The following TJAP1 variants were observed in gnomAD, a reference collection of about 807,000 sequenced individuals.
TJAP1 encodes the protein tight junction associated protein 1, also known as tight junction-associated protein 1.
A neutral mutation model predicts 42.0 loss-of-function variants in TJAP1; 27 were observed. That is an observed-to-expected ratio of 0.64 (90% CI 0.47 to 0.89). TJAP1 has a LOEUF of 0.89. Among genes scored for constraint, TJAP1 ranks in the 40% least tolerant of loss-of-function variants. The pLI is 0.00. For missense variants in TJAP1, 712 were observed against 726.9 expected (o/e 0.98, Z 0.24); for synonymous variants, 257 against 288.4 (o/e 0.89, Z 1.10).
At chr6:43,499,277 A>C in intron 4 of TJAP1, 177 bp downstream of exon 4, 1 of 870,322 alleles carries the variant, frequency 1.1e-6, no homozygotes, top group Non-Finnish European at 1.7e-6. Flanking sequence ...TGTAGGCTCA[A>C]GGGGGACTGT....
intron 2 of TJAP1, among the ~76,000 whole-genome samples, chr6:43,493,851 T>G (rs1461205219): frequency 6.6e-6 from 1 of 152,068 alleles, no homozygotes; most frequent in African/African-American, 2.4e-5. Context: ...TGGAAGCCCC[T>G]GATCAAATAT....
chr6:43,502,261 G>A (rs770863124), intron 6 of TJAP1, 22 bp from the exon 7 acceptor site: 14 of 1,613,350 alleles, frequency 8.7e-6, no homozygotes, highest in Admixed American at 1.7e-5. Flanking sequence ...CCAGGGATGT[G>A]CCTTGTATTA....
chr6:43,503,436 C>G (rs1052479667), exon 9 of TJAP1: 2 of 1,614,062 alleles, frequency 1.2e-6, no homozygotes, highest in African/African-American at 1.3e-5. Flanking sequence ...AGACGCTGGA[C>G]TGGGAGATTG....
chr6:43,503,097 T>C (rs1791345973), intron 8 of TJAP1: 3 of 478,632 alleles, frequency 6.3e-6, no homozygotes, highest in Admixed American at 7.1e-5. Flanking sequence ...GCCGTTGAGG[T>C]ACCAGCTGCC....
At chr6:43,481,585 GAAA>G (rs200593295) in intron 2 of TJAP1, among the ~76,000 whole-genome samples, 1 of 120,486 alleles carries the variant, frequency 8.3e-6, no homozygotes, top group African/African-American at 3.0e-5. Flanking sequence ...AAACTACACA[GAAA>G]AAAAAAAAAA....
intron 2 of TJAP1, among the ~76,000 whole-genome samples, chr6:43,479,168 A>G (rs1359165144): frequency 6.6e-6 from 1 of 152,238 alleles, no homozygotes; most frequent in African/African-American, 2.4e-5. Context: ...TGCCCTAGCC[A>G]GAGTTGGGAG....
chr6:43,489,372 G>T (rs1166825615), intron 2 of TJAP1, among the ~76,000 whole-genome samples: 1 of 152,232 alleles, frequency 6.6e-6, no homozygotes, highest in Non-Finnish European at 1.5e-5. Flanking sequence ...GCAGTGTGCA[G>T]CCCGTGCTGT....
Position 43,505,690 on chromosome 6 carries a change from C to T in TJAP1, c.1509C>T (p.Asn503=). ...AGCGCCAGAGCCTGCTGCCCATTAA[C>T]AGGGGCACAGAGGAGGGGCCAGGCA... is the stretch of plus-strand genomic sequence containing the variant. Residue 503 remains asparagine, a synonymous_variant, in exon 11 of 11, where the codon AAC becomes AAT. Transcript: ENST00000372449. This position sits in a 1 kb window ranked among gnomAD's most constrained non-coding sequence, Gnocchi z 5.5. 6.2e-7 allele frequency: 1 copy of T among 1,602,566 alleles called. No homozygotes were observed.
intron 2 of TJAP1, among the ~76,000 whole-genome samples, chr6:43,484,466 AT>A (rs902748057): frequency 1.6e-4 from 25 of 152,348 alleles, no homozygotes; most frequent in African/African-American, 6.0e-4. Context: ...TCTCAAAAAA[AT>A]ATATAAATAA....
Position 43,501,534 on chromosome 6 carries a change from A to G in TJAP1, c.137A>G (p.Gln46Arg), listed in dbSNP as rs754721586. 4 of 1,613,140 alleles carry G rather than the reference A, an allele frequency of 2.5e-6. No homozygotes were observed. In the African/African-American group the frequency reaches 5.3e-5, roughly 22 times the overall value. Residue 46 changes from glutamine to arginine, a missense_variant, in exon 6 of 11, where the codon CAG becomes CGG. Physicochemically the swap from Gln to Arg is conservative, Grantham distance 43 (BLOSUM62 1). This residue lies in a region of TJAP1 where 158 missense variants were observed against 182.1 expected (regional missense o/e 0.87). Transcript: ENST00000372449. ...CCACAACACCCTGCCAGGCTCTTAC[A>G]GGAGGAGAATGAAGAGCTTCGCCGG...
At chr6:43,499,317 C>T (rs184094231) in intron 4 of TJAP1, among the ~76,000 whole-genome samples, 76 of 152,348 alleles carry the variant, frequency 5.0e-4, no homozygotes, top group African/African-American at 1.8e-3. Context: ...TGTCAGGGAA[C>T]CCCTGAGTCT....
intron 5 of TJAP1, 98 bp downstream of exon 5, chr6:43,500,870 G>T: frequency 6.9e-7 from 1 of 1,458,894 alleles, no homozygotes; most frequent in Non-Finnish European, 9.6e-7. Context: ...CTTGGATTAG[G>T]TAGAAATAAA....
At chr6:43,480,214 T>G (rs1785018720) in intron 2 of TJAP1, among the ~76,000 whole-genome samples, 1 of 152,230 alleles carries the variant, frequency 6.6e-6, no homozygotes, top group Non-Finnish European at 1.5e-5. Flanking sequence ...TAATTTCTGT[T>G]TCATGGTTGA....
At chr6:43,504,280 A>T in intron 10 of TJAP1, 1 of 219,846 alleles carries the variant, frequency 4.5e-6, no homozygotes, top group South Asian at 6.9e-5. Flanking sequence ...ACGCCTGGCT[A>T]ATTTTTTTGT....
intron 2 of TJAP1, among the ~76,000 whole-genome samples, chr6:43,482,759 A>G (rs1785575443): frequency 6.6e-6 from 1 of 152,210 alleles, no homozygotes; most frequent in Non-Finnish European, 1.5e-5. Context: ...TAGAATGAAT[A>G]AAATGTGGTC....
At chr6:43,483,327 A>T (rs1220105829) in intron 2 of TJAP1, among the ~76,000 whole-genome samples, 1 of 152,132 alleles carries the variant, frequency 6.6e-6, no homozygotes. Context: ...CAAACCTATC[A>T]TGGGCATCCA....
At chr6:43,503,275 T>C in intron 8 of TJAP1, 126 bp from the exon 9 acceptor site, 1 of 690,726 alleles carries the variant, frequency 1.4e-6, no homozygotes, top group Non-Finnish European at 2.6e-6. Context: ...GTCATTTGTC[T>C]CTGCTCTGTC....
Position 43,505,193 on chromosome 6 carries a change from A to G in TJAP1, c.1012A>G (p.Lys338Glu). 6.2e-7 allele frequency: 1 copy of G among 1,614,168 alleles called. No individual in the cohort carries two copies. The highest frequency in any genetic ancestry group is 8.5e-7 in the Non-Finnish European group (1 of 1,180,010). Residue 338 changes from lysine to glutamate, a missense_variant, in exon 11 of 11, where the codon AAG becomes GAG. Coordinates refer to ENST00000372449, the Ensembl canonical transcript of TJAP1. This position sits in a 1 kb window ranked among gnomAD's most constrained non-coding sequence, Gnocchi z 5.5. ...CAGGGTAATAGAGTTCTCTGAGGAT[A>G]AGGTTCGGATCCCCCGCAACAGCCC...
chr6:43,502,783 A>T, intron 8 of TJAP1, 166 bp downstream of exon 8: 1 of 804,650 alleles, frequency 1.2e-6, no homozygotes, highest in Non-Finnish European at 2.1e-6. Flanking sequence ...CCCAGGAGAG[A>T]GGTGGGGAGC....
Sources: gnomAD v4.1 joint callset for allele counts (sites outside exome capture counted in the v4.1 genomes callset) on GRCh38, gnomAD v4.1.1 for gene constraint, gnomAD v4.1.1 regional missense constraint, Gnocchi (gnomAD v3.1) non-coding constraint, MANE v1.5 for transcripts, NCBI Gene and HGNC (gene_info 2026-07-23, HGNC 2026-07-21) for gene names.